The following CENPP variants were observed in gnomAD, a reference collection of about 807,000 sequenced individuals.
CENPP encodes centromere protein P.
CENPP carries 24 observed loss-of-function variants against 35.6 expected under a neutral mutation model. That is an observed-to-expected ratio of 0.67 (90% CI 0.49 to 0.95). CENPP has a LOEUF of 0.95. Among genes scored for constraint, CENPP ranks in the 40% least tolerant of loss-of-function variants. CENPP has a pLI of 0.00. For missense variants in CENPP, 332 were observed against 345.3 expected, an observed-to-expected ratio of 0.96 and a Z score of 0.31; for synonymous variants, 120 against 125.5, an observed-to-expected ratio of 0.96 and a Z score of 0.29.
chr9:92,457,281 C>G, intron 5 of CENPP: 1 of 1,611,708 alleles, frequency 6.2e-7, no homozygotes, highest in Non-Finnish European at 8.5e-7. Context: ...TTACCAATTA[C>G]TAATTATTAC....
At chr9:92,587,893 A>T (rs1850578047) in intron 5 of CENPP, among the ~76,000 whole-genome samples, 1 of 152,218 alleles carries the variant, frequency 6.6e-6, no homozygotes, top group South Asian at 2.1e-4. Context: ...TGGGAAGCCA[A>T]GGTGGGCAGA....
Position 92,448,748 on chromosome 9 carries a change from T to TA in CENPP, c.564+68890dup, listed in dbSNP as rs553733798. 4.3e-3 allele frequency among the ~76,000 whole-genome samples: 657 copies of TA among 152,278 alleles called. 5 individuals are homozygous for TA. Among genetic ancestry groups the TA allele is most frequent in the African/African-American group, 0.014 (567 of 41,566 alleles). On this transcript the variant is annotated intron_variant, in intron 5 of 7. Coordinates refer to ENST00000375587, the MANE Select transcript of CENPP (RefSeq NM_001012267.3). Reference sequence around the variant, plus strand: ...TCCCAAAAAGCCAGTCTACAATAGTTACGTTATTTCCAGGAATGGCTGACA... The same window carrying TA: ...TCCCAAAAAGCCAGTCTACAATAGTTAACGTTATTTCCAGGAATGGCTGACA...
intron 5 of CENPP, among the ~76,000 whole-genome samples, chr9:92,451,533 T>C (rs1424066874): frequency 6.6e-6 from 1 of 152,200 alleles, no homozygotes; most frequent in Admixed American, 6.5e-5. Flanking sequence ...GGTAGCATGA[T>C]GCCTCCAGCT....
intron 5 of CENPP, among the ~76,000 whole-genome samples, chr9:92,492,336 A>G (rs1404257892): frequency 6.6e-6 from 1 of 152,224 alleles, no homozygotes; most frequent in East Asian, 1.9e-4. Context: ...AAAGATTTAT[A>G]CTACATATTA....
intron 4 of CENPP, among the ~76,000 whole-genome samples, chr9:92,363,342 G>A (rs1841810316): frequency 6.6e-6 from 1 of 152,130 alleles, no homozygotes; most frequent in African/African-American, 2.4e-5. Flanking sequence ...ATCAGTGACA[G>A]ACTGCATATA....
chr9:92,391,344 T>C (rs1005548246), intron 5 of CENPP, among the ~76,000 whole-genome samples: 3 of 151,788 alleles, frequency 2.0e-5, no homozygotes, highest in Admixed American at 1.3e-4. Flanking sequence ...GAGGCGGAGC[T>C]AGCAGTGAGC....
intron 5 of CENPP, among the ~76,000 whole-genome samples, chr9:92,551,777 G>A (rs184603075): frequency 3.3e-5 from 5 of 151,492 alleles, no homozygotes; most frequent in Admixed American, 1.3e-4. Context: ...TCGATGTTTG[G>A]TTTTCCATTC....
At chr9:92,381,198 A>T (rs1031412106) in intron 5 of CENPP, among the ~76,000 whole-genome samples, 1 of 152,048 alleles carries the variant, frequency 6.6e-6, no homozygotes, top group Non-Finnish European at 1.5e-5. Context: ...TGACTATTCT[A>T]GGTACCTCAT....
At position 92,514,830 on chromosome 9, in the gene CENPP, A is replaced by ATCCTCCTCACCCTCCTCACCCTCC. The variant is rs1284520083; in HGVS notation, c.565-96474_565-96451dup. 5.0e-6 allele frequency: 8 copies of ATCCTCCTCACCCTCCTCACCCTCC among 1,610,640 alleles called. No homozygotes were observed. The African/African-American group carries it at 9.4e-5, about 19-fold the overall frequency. On this transcript the variant is annotated intron_variant, in intron 5 of 7. Transcript: ENST00000375587. ...TTACCGGGTCCTCCTCGTCCTCCTCATCCTCCTCACCCTCCTCACCCTCCT... is the reference window on the plus strand; with the variant it reads ...TTACCGGGTCCTCCTCGTCCTCCTCATCCTCCTCACCCTCCTCACCCTCCTCCTCCTCACCCTCCTCACCCTCCT...
At chr9:92,546,506 C>T (rs112594555) in intron 5 of CENPP, among the ~76,000 whole-genome samples, 5,486 of 152,060 alleles carry the variant, frequency 0.036, 140 homozygotes, top group Middle Eastern at 0.075. Context: ...AAGAACAACT[C>T]CAGACGCACC....
At chr9:92,378,890 T>G (rs1431677308) in intron 4 of CENPP, among the ~76,000 whole-genome samples, 1 of 152,180 alleles carries the variant, frequency 6.6e-6, no homozygotes, top group Non-Finnish European at 1.5e-5. Context: ...CTGGATGTCC[T>G]GCAGCTCAGT....
chr9:92,405,346 C>G (rs1359150711), intron 5 of CENPP, among the ~76,000 whole-genome samples: 1 of 151,956 alleles, frequency 6.6e-6, no homozygotes, highest in Non-Finnish European at 1.5e-5. Context: ...ATCAAATTAA[C>G]TTTTCTCCTT....
intron 5 of CENPP, among the ~76,000 whole-genome samples, chr9:92,567,990 C>A (rs186956688): frequency 2.6e-5 from 4 of 152,118 alleles, no homozygotes; most frequent in Admixed American, 2.6e-4. Flanking sequence ...AAAAGTAAAT[C>A]CTTCCCTTAT....
intron 5 of CENPP, among the ~76,000 whole-genome samples, chr9:92,513,764 T>C (rs1281353143): frequency 2.6e-5 from 4 of 152,206 alleles, no homozygotes; most frequent in African/African-American, 9.6e-5. Context: ...TGTTCTGTGG[T>C]GGCCAGTGAC....
At chr9:92,361,489 T>TTTTAC (rs1398683657) in intron 4 of CENPP, among the ~76,000 whole-genome samples, 22 of 91,584 alleles carry the variant, frequency 2.4e-4, no homozygotes, top group African/African-American at 8.1e-4. Context: ...TTTTATTTTA[T>TTTTAC]TTTATTTTGA....
At chr9:92,372,813 T>G (rs1842040657) in intron 4 of CENPP, among the ~76,000 whole-genome samples, 1 of 151,650 alleles carries the variant, frequency 6.6e-6, no homozygotes, top group African/African-American at 2.4e-5. Context: ...TGAGGTTTTT[T>G]CTTTTTCTTT....
chr9:92,504,441 A>G (rs995686830), intron 5 of CENPP, among the ~76,000 whole-genome samples: 1 of 152,198 alleles, frequency 6.6e-6, no homozygotes, highest in East Asian at 1.9e-4. Flanking sequence ...CATGTGGTCT[A>G]GGAGAAACGG....
intron 3 of CENPP, among the ~76,000 whole-genome samples, chr9:92,340,922 T>C (rs1316016391): frequency 6.6e-6 from 1 of 152,188 alleles, no homozygotes; most frequent in African/African-American, 2.4e-5. Context: ...AAACTCTGAC[T>C]GCTGGTGAGC....
At chr9:92,589,692 G>C (rs1052388141) in intron 5 of CENPP, among the ~76,000 whole-genome samples, 1 of 152,188 alleles carries the variant, frequency 6.6e-6, no homozygotes, top group Admixed American at 6.5e-5. Flanking sequence ...TGGGTGTGAA[G>C]TGATTCTCTT....
Sources: allele counts gnomAD v4.1 joint callset (sites outside exome capture counted in the v4.1 genomes callset), GRCh38; gene constraint gnomAD v4.1.1; transcripts MANE v1.5; gene names NCBI Gene and HGNC (gene_info 2026-07-23, HGNC 2026-07-21).